The following CADPS2 variants were observed in gnomAD, a reference collection of about 807,000 sequenced individuals.
The protein encoded by CADPS2 is calcium-dependent secretion activator 2.
A neutral mutation model predicts 172.5 loss-of-function variants in CADPS2; 93 were observed. The observed-to-expected ratio is 0.54, with a 90% CI of 0.46 to 0.64. The LOEUF is 0.64. CADPS2 is among the 30% of genes least tolerant of loss of function. The pLI is 0.00. For synonymous variants in CADPS2, 546 were observed against 555.2 expected, an observed-to-expected ratio of 0.98 and a Z score of 0.23; for missense variants, 1,420 against 1,565.9, an observed-to-expected ratio of 0.91 and a Z score of 1.57.
rs1036633189 is a variant in CADPS2, at chr7:122,806,351, A to G, written c.340-69283T>C. ...AATTTGATCTATGTCATTTTTTTCTACTACTGTACCCACAGAACTAAAAAC... is the reference window on the plus strand; with the variant it reads ...AATTTGATCTATGTCATTTTTTTCTGCTACTGTACCCACAGAACTAAAAAC... On this transcript the variant is annotated intron_variant, in intron 1 of 29. Coordinates refer to ENST00000449022, the MANE Select transcript of CADPS2 (RefSeq NM_017954.11). Among the ~76,000 whole-genome samples, 43 of 152,144 alleles carry G rather than the reference A, an allele frequency of 2.8e-4. 2 individuals carry two copies. The highest frequency in any genetic ancestry group is 7.4e-5 in the Non-Finnish European group (5 of 68,014).
chr7:122,501,988 T>C lies in CADPS2; in HGVS notation c.1543-10568A>G, dbSNP rs938465055. Among the ~76,000 whole-genome samples, 101 of 151,368 alleles carry C rather than the reference T, an allele frequency of 6.7e-4. 1 individual carries two copies. The highest frequency in any genetic ancestry group is 4.4e-5 in the Non-Finnish European group (3 of 67,846). Reference sequence around the variant, plus strand: ...ATATATCATATTATTTTATACATTCTCATTCTGAAACTTAAAAACAACTGT... The same window carrying C: ...ATATATCATATTATTTTATACATTCCCATTCTGAAACTTAAAAACAACTGT... On this transcript the variant is annotated intron_variant, in intron 9 of 29. Transcript: ENST00000449022.
At chr7:122,338,715 A>C (rs2036293224) in intron 28 of CADPS2, among the ~76,000 whole-genome samples, 1 of 152,180 alleles carries the variant, frequency 6.6e-6, no homozygotes, top group Non-Finnish European at 1.5e-5. Flanking sequence ...AAATAATTGA[A>C]AAGAGGAAAA....
chr7:122,606,064 C>G (rs555822451), intron 6 of CADPS2, among the ~76,000 whole-genome samples: 2 of 152,184 alleles, frequency 1.3e-5, no homozygotes, highest in African/African-American at 4.8e-5. Context: ...TCTTTGCCAA[C>G]TTTACTGAAA....
chr7:122,412,958 G>C (rs1018872115), intron 19 of CADPS2: 1 of 152,208 alleles, frequency 6.6e-6, no homozygotes, highest in African/African-American at 2.4e-5. Flanking sequence ...GCAGAACTAA[G>C]GCAGGACAAT....
chr7:122,791,449 T>C (rs1430870143), intron 1 of CADPS2, among the ~76,000 whole-genome samples: 1 of 152,122 alleles, frequency 6.6e-6, no homozygotes, highest in African/African-American at 2.4e-5. Context: ...TTTTCTTTCC[T>C]GAACTCAGCA....
At chr7:122,819,696 T>A (rs1274346010) in intron 1 of CADPS2, among the ~76,000 whole-genome samples, 1 of 152,122 alleles carries the variant, frequency 6.6e-6, no homozygotes, top group African/African-American at 2.4e-5. Flanking sequence ...TGAGACACTT[T>A]AACTAAATTA....
chr7:122,817,393 C>T (rs1801784679), intron 1 of CADPS2, among the ~76,000 whole-genome samples: 1 of 152,176 alleles, frequency 6.6e-6, no homozygotes. Context: ...TTTCTCCTTT[C>T]CACTCTTCAA....
intron 9 of CADPS2, among the ~76,000 whole-genome samples, chr7:122,510,684 T>A (rs1018357084): frequency 1.3e-5 from 2 of 152,172 alleles, no homozygotes; most frequent in Non-Finnish European, 1.5e-5. Flanking sequence ...CTGTCCTCCC[T>A]GTGAAAACGA....
intron 1 of CADPS2, among the ~76,000 whole-genome samples, chr7:122,800,406 T>C (rs781626798): frequency 6.6e-6 from 1 of 152,164 alleles, no homozygotes; most frequent in Non-Finnish European, 1.5e-5. Context: ...AAAAACACTG[T>C]TGTAATCTAT....
At chr7:122,377,679 T>A (rs962205875) in intron 25 of CADPS2, among the ~76,000 whole-genome samples, 4 of 152,086 alleles carry the variant, frequency 2.6e-5, no homozygotes, top group African/African-American at 9.7e-5. Context: ...AGGGTGGAAA[T>A]CTCACTGCTC....
intron 2 of CADPS2, among the ~76,000 whole-genome samples, chr7:122,671,402 T>C (rs2081839977): frequency 6.6e-6 from 1 of 152,088 alleles, no homozygotes; most frequent in African/African-American, 2.4e-5. Context: ...GAGGGAACAA[T>C]ACTGCAGAGG....
intron 1 of CADPS2, among the ~76,000 whole-genome samples, chr7:122,842,923 C>G (rs17684427): frequency 6.6e-6 from 1 of 152,028 alleles, no homozygotes; most frequent in Non-Finnish European, 1.5e-5. Context: ...AGCTAGGGAG[C>G]CTTCAAAGCC....
At chr7:122,543,953 G>T (rs562876944) in intron 8 of CADPS2, among the ~76,000 whole-genome samples, 43 of 152,020 alleles carry the variant, frequency 2.8e-4, no homozygotes, top group African/African-American at 9.6e-4. Flanking sequence ...AGAACTGAAA[G>T]ATCTTATATA....
chr7:122,440,816 T>G (rs1212232364), intron 16 of CADPS2, among the ~76,000 whole-genome samples: 1 of 152,196 alleles, frequency 6.6e-6, no homozygotes, highest in Non-Finnish European at 1.5e-5. Context: ...AAATGGGAGT[T>G]GGCCACATTA....
At chr7:122,475,260 T>C (rs1439188835) in intron 12 of CADPS2, among the ~76,000 whole-genome samples, 1 of 152,182 alleles carries the variant, frequency 6.6e-6, no homozygotes, top group African/African-American at 2.4e-5. Context: ...TTACTAAGTA[T>C]AGAGAGAAAA....
chr7:122,507,160 A>G (rs2059670291), intron 9 of CADPS2, among the ~76,000 whole-genome samples: 1 of 152,182 alleles, frequency 6.6e-6, no homozygotes, highest in Non-Finnish European at 1.5e-5. Context: ...GAATAATGTG[A>G]CAGAGAATGA....
chr7:122,585,074 T>C (rs2069445230), intron 6 of CADPS2, among the ~76,000 whole-genome samples: 1 of 151,840 alleles, frequency 6.6e-6, no homozygotes, highest in Non-Finnish European at 1.5e-5. Flanking sequence ...GAAGAAGGCT[T>C]AAATAACGTG....
chr7:122,505,162 T>C (rs1271863578), intron 9 of CADPS2, among the ~76,000 whole-genome samples: 1 of 152,198 alleles, frequency 6.6e-6, no homozygotes, highest in Non-Finnish European at 1.5e-5. Flanking sequence ...AGACTTGATG[T>C]GTGTAACCCA....
intron 8 of CADPS2, among the ~76,000 whole-genome samples, chr7:122,543,024 A>G (rs73433740): frequency 0.028 from 4,262 of 152,188 alleles, 76 homozygotes; most frequent in South Asian, 0.054. Context: ...TATCATGTAT[A>G]GTGTTAATAT....
Sources: allele counts gnomAD v4.1 joint callset (sites outside exome capture counted in the v4.1 genomes callset), GRCh38; gene constraint gnomAD v4.1.1; transcripts MANE v1.5; gene names NCBI Gene and HGNC (gene_info 2026-07-23, HGNC 2026-07-21).